Variants in CAPS2 observed in about 807,000 individuals in gnomAD.
CAPS2 encodes the protein calcyphosin-2.
A neutral mutation model predicts 86.5 loss-of-function variants in CAPS2; 98 were observed. That is an observed-to-expected ratio of 1.13 (90% confidence interval 0.96 to 1.34). The LOEUF (loss-of-function observed/expected upper bound fraction) is 1.34, where lower values mean the gene tolerates loss of function less well. Among genes scored for constraint, CAPS2 ranks in the 40% most tolerant of loss-of-function variants. The probability of loss-of-function intolerance (pLI) is 0.00; values close to 1 mark genes in which losing one functional copy is unlikely to be tolerated. For synonymous variants in CAPS2, 210 were observed against 225.1 expected (o/e 0.93, Z 0.60); for missense variants, 729 against 686.8 (o/e 1.06, Z -0.69).
chr12:75,311,020 G>C (rs1002367336), intron 7 of CAPS2, among the ~76,000 whole-genome samples: 1 of 152,154 alleles, frequency 6.6e-6, no homozygotes, highest in Admixed American at 6.5e-5. Context: ...AGACACATGA[G>C]CAAAAATTAC....
intron 5 of CAPS2, among the ~76,000 whole-genome samples, chr12:75,318,485 C>T (rs2039993960): frequency 6.6e-6 from 1 of 152,098 alleles, no homozygotes; most frequent in Non-Finnish European, 1.5e-5. Flanking sequence ...AACTCTCTTA[C>T]CAACCTCCTT....
intron 1 of CAPS2, among the ~76,000 whole-genome samples, chr12:75,350,581 G>A (rs1349654814): frequency 1.3e-5 from 2 of 152,022 alleles, no homozygotes; most frequent in Admixed American, 6.5e-5. Context: ...TCTGGAGTAG[G>A]CCCCCAGGAA....
chr12:75,355,622 C>T (rs899640031), intron 1 of CAPS2, among the ~76,000 whole-genome samples: 10 of 152,062 alleles, frequency 6.6e-5, no homozygotes, highest in East Asian at 3.9e-4. Flanking sequence ...GCAATCCCAT[C>T]GCTAGGTATA....
chr12:75,369,682 A>G, intron 1 of CAPS2: 1 of 984,942 alleles, frequency 1.0e-6, no homozygotes, highest in Non-Finnish European at 1.2e-6. Context: ...AGTGGGAAAA[A>G]TAAAGTTAAC....
At chr12:75,305,154 C>T (rs2038302388) in intron 7 of CAPS2, among the ~76,000 whole-genome samples, 1 of 152,108 alleles carries the variant, frequency 6.6e-6, no homozygotes, top group African/African-American at 2.4e-5. Flanking sequence ...CAAGCAGACA[C>T]AGTGCTGGTT....
At position 75,299,085 on chromosome 12, in the gene CAPS2, G is replaced by A. The variant is rs575775294; in HGVS notation, c.855-119C>T. The A allele has an allele frequency of 3.3e-5, 20 of 613,602 alleles. No homozygotes were observed. In the East Asian group the frequency reaches 5.7e-4, roughly 17 times the overall value. 38.0% of individuals were successfully genotyped at this position (613,602 alleles called of 1,614,324 possible). A position where few individuals can be genotyped will look rare whatever the true frequency, so the allele number is the denominator to read the frequency against. ...CTCTCTTATGTATGTGGCAATGAGTGAAGGTTATGGGAAACTGTAGGGAAA... is the reference window on the plus strand; with the variant it reads ...CTCTCTTATGTATGTGGCAATGAGTAAAGGTTATGGGAAACTGTAGGGAAA... On this transcript the variant is annotated intron_variant, in intron 9 of 16. Transcript: ENST00000393284.
intron 1 of CAPS2, among the ~76,000 whole-genome samples, chr12:75,382,008 C>T (rs1045176858): frequency 2.0e-5 from 3 of 152,144 alleles, no homozygotes; most frequent in South Asian, 2.1e-4. Context: ...TACATTTTAA[C>T]GAAGTAAAGT....
At chr12:75,348,718 A>G (rs551940787) in intron 1 of CAPS2, among the ~76,000 whole-genome samples, 1 of 152,328 alleles carries the variant, frequency 6.6e-6, no homozygotes, top group East Asian at 1.9e-4. Context: ...TTGTGAAAGC[A>G]TACGAGAATA....
intron 1 of CAPS2, among the ~76,000 whole-genome samples, chr12:75,358,604 TA>T (rs965848464): frequency 6.7e-5 from 10 of 149,310 alleles, no homozygotes; most frequent in African/African-American, 2.0e-4. Context: ...TGCCTAATAG[TA>T]AAAAAAAATT....
upstream of CAPS2, among the ~76,000 whole-genome samples, chr12:75,332,765 C>T (rs1472217125): frequency 6.6e-6 from 1 of 152,070 alleles, no homozygotes; most frequent in Non-Finnish European, 1.5e-5. Context: ...AACAAAGCTA[C>T]TGTTGTGGTG....
At chr12:75,325,424 T>G (rs890843009) in intron 1 of CAPS2, 136 bp from the exon 3 acceptor site, 1 of 751,960 alleles carries the variant, frequency 1.3e-6, no homozygotes, top group East Asian at 2.9e-5. Flanking sequence ...TAAATACTTA[T>G]TAAGCCCCTT....
At chr12:75,369,961 G>A (rs780568870) in intron 1 of CAPS2, 6 of 1,090,136 alleles carry the variant, frequency 5.5e-6, no homozygotes, top group South Asian at 1.7e-5. Flanking sequence ...TTACTTTAGG[G>A]ACTCCACAAC....
intron 14 of CAPS2, among the ~76,000 whole-genome samples, chr12:75,287,719 A>G (rs2035148080): frequency 6.6e-6 from 1 of 152,176 alleles, no homozygotes; most frequent in Admixed American, 6.5e-5. Context: ...ATCCTTTGTA[A>G]TATCCATTAG....
chr12:75,311,731 A>AAAAAAAAAAAAAAG (rs2039237088), intron 7 of CAPS2, among the ~76,000 whole-genome samples: 1 of 113,228 alleles, frequency 8.8e-6, no homozygotes, highest in East Asian at 2.8e-4. Context: ...AAACAAAAAA[A>AAAAAAAAAAAAAAG]AAAAAAAAAA....
At chr12:75,289,044 T>C (rs780377059) in intron 14 of CAPS2, among the ~76,000 whole-genome samples, 7 of 152,162 alleles carry the variant, frequency 4.6e-5, no homozygotes, top group Non-Finnish European at 8.8e-5. Context: ...TTATTCACAG[T>C]GGAGGGAACA....
chr12:75,374,578 A>G (rs996545636), intron 1 of CAPS2, among the ~76,000 whole-genome samples: 1 of 152,160 alleles, frequency 6.6e-6, no homozygotes, highest in Non-Finnish European at 1.5e-5. Flanking sequence ...TTTCTCACTC[A>G]TTGGGTCCAA....
intron 1 of CAPS2, among the ~76,000 whole-genome samples, chr12:75,351,831 G>A (rs1354122994): frequency 6.6e-6 from 1 of 152,190 alleles, no homozygotes; most frequent in Non-Finnish European, 1.5e-5. Context: ...ACAGGCATGA[G>A]CCATCGTGCT....
intron 16 of CAPS2, among the ~76,000 whole-genome samples, chr12:75,281,204 G>A (rs1315682124): frequency 6.6e-6 from 1 of 151,816 alleles, no homozygotes; most frequent in East Asian, 1.9e-4. Context: ...ATTTTACAAT[G>A]TAATTTGGAA....
chr12:75,298,949 C>A, exon 10 of CAPS2: 1 of 1,600,696 alleles, frequency 6.2e-7, no homozygotes, highest in Non-Finnish European at 8.5e-7. Flanking sequence ...GAGCTCTCTG[C>A]AAGCATCACG....
Sources: allele counts gnomAD v4.1 joint callset (sites outside exome capture counted in the v4.1 genomes callset), GRCh38; gene constraint gnomAD v4.1.1; transcripts MANE v1.5; gene names NCBI Gene and HGNC (gene_info 2026-07-23, HGNC 2026-07-21).